The following AHR variants were observed in gnomAD, a reference collection of about 807,000 sequenced individuals.
AHR encodes aryl hydrocarbon receptor.
In AHR, 40 loss-of-function variants were observed where a neutral mutation model predicts 86.8. That is an observed-to-expected ratio of 0.46 (90% CI 0.36 to 0.60). The LOEUF (loss-of-function observed/expected upper bound fraction) is 0.60. Among genes scored for constraint, AHR ranks in the 20% least tolerant of loss-of-function variants. AHR has a pLI of 0.00. For missense variants in AHR, 1,001 were observed against 1,011.6 expected (o/e 0.99, Z 0.14); for synonymous variants, 398 against 354.9 (o/e 1.12, Z -1.37).
At chr7:17,312,372 A>C (rs1782074399) in intron 2 of AHR, among the ~76,000 whole-genome samples, 1 of 152,220 alleles carries the variant, frequency 6.6e-6, no homozygotes, top group Non-Finnish European at 1.5e-5. Flanking sequence ...AAAGAAAAAA[A>C]AAGTATAGGT....
intron 2 of AHR, among the ~76,000 whole-genome samples, chr7:17,311,142 T>C (rs1414534885): frequency 6.6e-6 from 1 of 152,238 alleles, no homozygotes; most frequent in African/African-American, 2.4e-5. Flanking sequence ...TAATTTTTGA[T>C]TTATCTTTTA....
rs200257782 is a variant in AHR, at chr7:17,327,828, G to C, written c.430G>C (p.Asp144His). The C allele has an allele frequency of 6.5e-7, 1 of 1,537,132 alleles. No individual in the cohort carries two copies. The highest frequency in any genetic ancestry group is 1.4e-5 in the African/African-American group (1 of 73,342). ...CTTTTATGCTTCTTCTACTATACAA[G>C]ATTATCTAGGGTTTCAGCAGGTAAG... ...LVFYASSTIQ[D>H]YLGFQQSDVI... The change falls in exon 4 of 11, where the codon GAT becomes CAT. Residue 144 changes from aspartate (D) to histidine (H), a missense_variant. By Grantham distance (81) the Asp-to-His change is moderately conservative. This residue lies in a region of AHR where 394 missense variants were observed against 468.5 expected (regional missense o/e 0.84). Coordinates refer to ENST00000242057, the MANE Select transcript of AHR (RefSeq NM_001621.5).
intron 10 of AHR, among the ~76,000 whole-genome samples, chr7:17,342,027 T>G (rs1335347982): frequency 6.6e-6 from 1 of 152,144 alleles, no homozygotes; most frequent in Non-Finnish European, 1.5e-5. Context: ...TTATATGATT[T>G]TTACTATAGA....
chr7:17,314,500 T>C (rs1024180763), intron 2 of AHR, among the ~76,000 whole-genome samples: 2 of 152,210 alleles, frequency 1.3e-5, no homozygotes, highest in Admixed American at 6.5e-5. Context: ...GTTCTTGGTC[T>C]TCCTTTTGCA....
intron 1 of AHR, among the ~76,000 whole-genome samples, chr7:17,299,813 C>T (rs1379017625): frequency 3.3e-5 from 5 of 152,174 alleles, no homozygotes; most frequent in Non-Finnish European, 7.3e-5. Context: ...GGGCTGAGTG[C>T]CTCTAAAGGT....
chr7:17,304,441 T>A (rs1430781815), intron 1 of AHR, among the ~76,000 whole-genome samples: 1 of 152,136 alleles, frequency 6.6e-6, no homozygotes, highest in Non-Finnish European at 1.5e-5. Context: ...TCTTCCTGTT[T>A]ATTAGCATCT....
At chr7:17,303,641 A>G (rs2115349796) in intron 1 of AHR, among the ~76,000 whole-genome samples, 1 of 152,090 alleles carries the variant, frequency 6.6e-6, no homozygotes, top group East Asian at 1.9e-4. Flanking sequence ...TAATTTTTTT[A>G]ACTGTTTTTC....
At chr7:17,304,950 T>A (rs1562473528) in intron 1 of AHR, among the ~76,000 whole-genome samples, 1 of 152,118 alleles carries the variant, frequency 6.6e-6, no homozygotes, top group Non-Finnish European at 1.5e-5. Context: ...GGGGAAACAA[T>A]GAGTTTTCCA....
At chr7:17,324,605 A>G in intron 3 of AHR, among the ~76,000 whole-genome samples, 1 of 152,312 alleles carries the variant, frequency 6.6e-6, no homozygotes, top group East Asian at 1.9e-4. Context: ...GTTCAAGACC[A>G]GCCTGGCCAA....
rs534164771 is a variant in AHR, at chr7:17,318,290, G to A, written c.254-4211G>A. 3.3e-5 allele frequency among the ~76,000 whole-genome samples: 5 copies of A among 152,128 alleles called. No homozygotes were observed. The East Asian group carries it at 9.7e-4, about 29-fold the overall frequency. ...GGCATTTAGGGAGTAGGGGAAATCT[G>A]AGCTTAGATGTCTAAGGAAGGAAAG... On this transcript the variant is annotated intron_variant, in intron 2 of 10. Coordinates refer to ENST00000242057, the MANE Select transcript of AHR (RefSeq NM_001621.5).
At chr7:17,305,469 A>C (rs1781996026) in intron 1 of AHR, among the ~76,000 whole-genome samples, 1 of 152,120 alleles carries the variant, frequency 6.6e-6, no homozygotes, top group African/African-American at 2.4e-5. Context: ...CCTAGCTGTT[A>C]GATGGAGAGT....
intron 3 of AHR, among the ~76,000 whole-genome samples, chr7:17,324,376 G>A (rs931911637): frequency 2.6e-5 from 4 of 152,148 alleles, no homozygotes; most frequent in African/African-American, 7.2e-5. Context: ...TATTGCAACC[G>A]ACGGTTATCA....
Position 17,338,837 on chromosome 7 carries a change from C to T in AHR, c.1161-149C>T, listed in dbSNP as rs746115138. On this transcript the variant is annotated intron_variant, in intron 9 of 10. Transcript: ENST00000242057. ...TGAAAAACAATTTTATAGCACCAGT[C>T]ATGAGAATAATTGAGGTGAAAATAA... is the stretch of plus-strand genomic sequence containing the variant. The T allele has an allele frequency of 1.4e-5, 10 of 732,990 alleles. No individual in the cohort carries two copies. The East Asian group carries it at 2.3e-4, about 17-fold the overall frequency. The allele number at this position is 732,990 out of a possible 1,614,324, so 45.4% of individuals were successfully genotyped here.
chr7:17,298,977 C>T lies in AHR; in HGVS notation c.-288C>T. The T allele has an allele frequency of 2.3e-6, 1 of 444,116 alleles. No homozygotes were observed. Among genetic ancestry groups the T allele is most frequent in the Non-Finnish European group, 3.9e-6 (1 of 255,750 alleles). The allele number at this position is 444,116 out of a possible 1,614,324, so 27.5% of individuals were successfully genotyped here. ...GCGGGCATTGCCGCGCCGCCTCCGCCGGTGTAGACGGCACCTGCGCCGCCT... is the reference window on the plus strand; with the variant it reads ...GCGGGCATTGCCGCGCCGCCTCCGCTGGTGTAGACGGCACCTGCGCCGCCT... On this transcript the variant is annotated 5_prime_UTR_variant, in exon 1 of 11. Coordinates refer to ENST00000242057, the MANE Select transcript of AHR (RefSeq NM_001621.5).
At chr7:17,307,802 C>G (rs1220096118) in intron 1 of AHR, among the ~76,000 whole-genome samples, 1 of 152,248 alleles carries the variant, frequency 6.6e-6, no homozygotes, top group Non-Finnish European at 1.5e-5. Flanking sequence ...GAAACACAGG[C>G]TGATCTTGTA....
chr7:17,330,565 A>G (rs1032064451), intron 5 of AHR, among the ~76,000 whole-genome samples, 191 bp from the exon 6 acceptor site: 2 of 151,928 alleles, frequency 1.3e-5, no homozygotes, highest in African/African-American at 4.8e-5. Context: ...TTAAAAAATT[A>G]TGCAAGTTCT....
chr7:17,339,504 A>G lies in AHR; in HGVS notation c.1679A>G (p.Lys560Arg). ...FEDIRHMQNE[K>R]FFRNDFSGEV... ...GACATCAGACACATGCAGAATGAAAAATTTTTCAGAAATGATTTTTCTGGT... is the reference window on the plus strand; with the variant it reads ...GACATCAGACACATGCAGAATGAAAGATTTTTCAGAAATGATTTTTCTGGT... The change falls in exon 10 of 11, where the codon AAA (lysine) becomes AGA (arginine). Residue 560 changes from lysine (K) to arginine (R), a missense_variant. Transcript: ENST00000242057. The G allele has an allele frequency of 2.5e-6, 4 of 1,614,016 alleles. No homozygotes were observed. The highest frequency in any genetic ancestry group is 3.4e-6 in the Non-Finnish European group (4 of 1,180,000).
rs1782388240 is a variant in AHR at position 17,339,120 on chromosome 7, AAAATGGCACTAGTGG to A, written c.1299_1313del (p.Asn433_Gly437del). The A allele has an allele frequency of 1.2e-6, 2 of 1,614,174 alleles. No individual in the cohort carries two copies. Among genetic ancestry groups the A allele is most frequent in the East Asian group, 4.5e-5 (2 of 44,870 alleles). ...ATGGATCCCTTACCACTAAGGACTA[AAAATGGCACTAGTGG>A]AAAAGACTCTGCTACCACATCCACT... On this transcript the variant is annotated inframe_deletion, in exon 10 of 11. Transcript: ENST00000242057.
intron 6 of AHR, among the ~76,000 whole-genome samples, chr7:17,331,933 A>C (rs1259368180): frequency 6.6e-6 from 1 of 152,010 alleles, no homozygotes; most frequent in East Asian, 1.9e-4. Context: ...TTATTTCTGA[A>C]GAGGATTTTG....
Sources: allele counts gnomAD v4.1 joint callset (sites outside exome capture counted in the v4.1 genomes callset), GRCh38; gene constraint gnomAD v4.1.1; regional missense constraint gnomAD v4.1.1; transcripts MANE v1.5; gene names NCBI Gene and HGNC (gene_info 2026-07-23, HGNC 2026-07-21).